PHF20: variants seen among roughly 807,000 people sequenced by gnomAD.
The protein encoded by PHF20 is glioma-expressed antigen 2.
In PHF20, 23 loss-of-function variants were observed where a neutral mutation model predicts 113.5. The ratio of observed to expected loss-of-function variants is 0.20; its 90% CI spans 0.15 to 0.29. The LOEUF (loss-of-function observed/expected upper bound fraction) is 0.29, where lower values mean the gene tolerates loss of function less well. Ranked by LOEUF, PHF20 falls within the 10% of genes least tolerant of loss-of-function variation. PHF20 has a pLI of 1.00. For synonymous variants in PHF20, 434 were observed against 457.3 expected, an observed-to-expected ratio of 0.95 and a Z score of 0.65; for missense variants, 943 against 1,219.6, an observed-to-expected ratio of 0.77 and a Z score of 3.38.
intron 6 of PHF20, among the ~76,000 whole-genome samples, chr20:35,869,030 G>A (rs1251248638): frequency 6.6e-6 from 1 of 152,014 alleles, no homozygotes; most frequent in Non-Finnish European, 1.5e-5. Flanking sequence ...GGCGGAGGTT[G>A]CAGTGAGCAG....
chr20:35,800,373 C>T (rs1347924123), intron 1 of PHF20, among the ~76,000 whole-genome samples: 4 of 151,966 alleles, frequency 2.6e-5, no homozygotes, highest in Non-Finnish European at 5.9e-5. Context: ...TGCAGTAAGC[C>T]GAGATCATGC....
chr20:35,838,465 C>T (rs1338511084), intron 2 of PHF20: 1 of 152,090 alleles, frequency 6.6e-6, no homozygotes, highest in African/African-American at 2.4e-5. Flanking sequence ...TGGCTCTCTC[C>T]CTTCCCCCAC....
At chr20:35,832,284 C>G (rs1014627322) in intron 2 of PHF20, among the ~76,000 whole-genome samples, 2 of 152,184 alleles carry the variant, frequency 1.3e-5, no homozygotes, top group African/African-American at 2.4e-5. Flanking sequence ...TTTTGCACCT[C>G]TGTATCTTAC....
intron 2 of PHF20, among the ~76,000 whole-genome samples, chr20:35,811,524 C>T (rs1369156620): frequency 6.6e-6 from 1 of 151,116 alleles, no homozygotes; most frequent in Non-Finnish European, 1.5e-5. Flanking sequence ...CTCACTGCAA[C>T]CTCTGCCTCC....
intron 12 of PHF20, among the ~76,000 whole-genome samples, chr20:35,916,706 G>C (rs371419307): frequency 6.6e-6 from 1 of 152,038 alleles, no homozygotes; most frequent in African/African-American, 2.4e-5. Context: ...AGGCTCAAGT[G>C]ATCGGCCCAC....
chr20:35,803,261 AAAAAAAG>A (rs1455988843), intron 2 of PHF20, among the ~76,000 whole-genome samples: 18 of 151,356 alleles, frequency 1.2e-4, no homozygotes, highest in Non-Finnish European at 1.9e-4. Flanking sequence ...CGGAAAAAAA[AAAAAAAG>A]AAAAAAGAAA....
At chr20:35,865,934 C>T (rs2054313061) in intron 6 of PHF20, among the ~76,000 whole-genome samples, 1 of 151,896 alleles carries the variant, frequency 6.6e-6, no homozygotes, top group African/African-American at 2.4e-5. Flanking sequence ...ATTGGCCGGG[C>T]ATGGTGGTTC....
At position 35,947,467 on chromosome 20, in the gene PHF20, T is replaced by C. The variant is rs374103758; in HGVS notation, c.2897-18T>C. 6.8e-6 allele frequency: 11 copies of C among 1,612,376 alleles called. No homozygotes were observed. Among genetic ancestry groups the C allele is most frequent in the Non-Finnish European group, 7.6e-6 (9 of 1,178,724 alleles). ...TGTTGGGAGTTCACTAGGTCTCATCTCTCTCTTCTGCCGACAGTGTTGGAG... is the reference window on the plus strand; with the variant it reads ...TGTTGGGAGTTCACTAGGTCTCATCCCTCTCTTCTGCCGACAGTGTTGGAG... On this transcript the variant is annotated intron_variant, in intron 17 of 17. Transcript: ENST00000374012.
intron 1 of PHF20, among the ~76,000 whole-genome samples, chr20:35,772,780 G>T (rs1386277952): frequency 6.6e-6 from 1 of 151,974 alleles, no homozygotes; most frequent in East Asian, 1.9e-4. Flanking sequence ...CCTGTTATCG[G>T]GTCCTCAGAT....
intron 2 of PHF20, among the ~76,000 whole-genome samples, chr20:35,808,829 C>G (rs2041928875): frequency 6.6e-6 from 1 of 151,734 alleles, no homozygotes; most frequent in Non-Finnish European, 1.5e-5. Context: ...GCCTCGGCCT[C>G]CCAACGTGCT....
chr20:35,830,435 T>A (rs1250005464), intron 2 of PHF20, among the ~76,000 whole-genome samples: 1 of 152,212 alleles, frequency 6.6e-6, no homozygotes, highest in Non-Finnish European at 1.5e-5. Flanking sequence ...GTATTAGAGT[T>A]TTATTCCTTT....
At chr20:35,904,793 C>CCTTCCTTCCTTCCTTCCTTCCTTG (rs1172669794) in intron 10 of PHF20, among the ~76,000 whole-genome samples, 4 of 150,018 alleles carry the variant, frequency 2.7e-5, no homozygotes, top group African/African-American at 9.9e-5. Flanking sequence ...TTCCTTCCTT[C>CCTTCCTTCCTTCCTTCCTTCCTTG]CTTCCTTCCT....
chr20:35,853,601 A>C (rs569819995), intron 4 of PHF20, among the ~76,000 whole-genome samples: 4 of 152,198 alleles, frequency 2.6e-5, no homozygotes, highest in East Asian at 3.9e-4. Flanking sequence ...AAACTAAAAA[A>C]TAAAAAATTG....
intron 2 of PHF20, among the ~76,000 whole-genome samples, chr20:35,809,202 G>A (rs1041940001): frequency 3.3e-5 from 5 of 151,834 alleles, no homozygotes; most frequent in Non-Finnish European, 5.9e-5. Flanking sequence ...CCAACATCAC[G>A]ACGCCATTGT....
intron 9 of PHF20, among the ~76,000 whole-genome samples, chr20:35,876,432 A>T (rs1482497206): frequency 2.7e-5 from 4 of 149,896 alleles, no homozygotes; most frequent in African/African-American, 9.8e-5. Flanking sequence ...TTAGCCGGGT[A>T]TGGTGGCAGG....
chr20:35,948,293 G>A lies in PHF20; in HGVS notation c.*666G>A, dbSNP rs1194322558. 6.6e-6 allele frequency: 1 copy of A among 152,662 alleles called. No homozygotes were observed. Among genetic ancestry groups the A allele is most frequent in the Non-Finnish European group, 1.5e-5 (1 of 68,060 alleles). 9.5% of individuals were successfully genotyped at this position (152,662 alleles called of 1,614,324 possible). On this transcript the variant is annotated 3_prime_UTR_variant, in exon 18 of 18. Transcript: ENST00000374012. ...AGCAGAGCCCATACAGCCTATGGAA[G>A]AACTAGAATCTCACTCACAGTAATA... is the stretch of plus-strand genomic sequence containing the variant.
At chr20:35,879,253 T>G (rs367630183) in intron 9 of PHF20, among the ~76,000 whole-genome samples, 1 of 152,200 alleles carries the variant, frequency 6.6e-6, no homozygotes. Context: ...TGTGCATGTA[T>G]TTAAACCAAA....
Position 35,947,782 on chromosome 20 carries a change from G to A in PHF20, c.*155G>A. On this transcript the variant is annotated 3_prime_UTR_variant, in exon 18 of 18. Transcript: ENST00000374012. ...GAGTGTGGTGGACATTGGACAAAGA[G>A]GCCATTTTGGCTGCGGGAGGACACT... is the stretch of plus-strand genomic sequence containing the variant. 2.7e-6 allele frequency: 2 copies of A among 732,720 alleles called. No homozygotes were observed. Among genetic ancestry groups the A allele is most frequent in the Non-Finnish European group, 4.3e-6 (2 of 460,364 alleles). 45.4% of individuals were successfully genotyped at this position (732,720 alleles called of 1,614,324 possible). A position where few individuals can be genotyped will look rare whatever the true frequency, so the allele number is the denominator to read the frequency against.
chr20:35,835,948 A>C (rs912295838), intron 2 of PHF20, among the ~76,000 whole-genome samples: 1 of 152,206 alleles, frequency 6.6e-6, no homozygotes, highest in East Asian at 1.9e-4. Flanking sequence ...AAATAAAATA[A>C]GATAAAATAA....
Sources: allele counts gnomAD v4.1 joint callset (sites outside exome capture counted in the v4.1 genomes callset), GRCh38; gene constraint gnomAD v4.1.1; transcripts MANE v1.5; gene names NCBI Gene and HGNC (gene_info 2026-07-23, HGNC 2026-07-21).